Variants in AGFG2 observed in about 807,000 individuals in gnomAD.
AGFG2 encodes the protein ArfGAP with FG repeats 2.
Under a neutral mutation model 48.0 loss-of-function variants are expected in AGFG2, and 31 were observed. That is an observed-to-expected ratio of 0.65 (90% CI 0.49 to 0.87). The LOEUF is 0.87. Among genes scored for constraint, AGFG2 ranks in the 40% least tolerant of loss-of-function variants. The pLI, the probability that AGFG2 is intolerant of heterozygous loss-of-function variation, is 0.00. For synonymous variants in AGFG2, 229 were observed against 260.8 expected (o/e 0.88, Z 1.18); for missense variants, 599 against 632.6 (o/e 0.95, Z 0.57).
chr7:100,556,871 G>A (rs151052962), intron 6 of AGFG2, among the ~76,000 whole-genome samples: 95 of 152,202 alleles, frequency 6.2e-4, no homozygotes, highest in African/African-American at 2.2e-3. Context: ...TTATTTTATC[G>A]TTTTGGAGGG....
chr7:100,553,636 C>A lies in AGFG2; in HGVS notation c.585+136C>A. 4 of 1,061,812 alleles carry A rather than the reference C, an allele frequency of 3.8e-6. No individual in the cohort carries two copies. In the East Asian group the frequency reaches 1.1e-4, roughly 28 times the overall value. 65.8% of individuals were successfully genotyped at this position (1,061,812 alleles called of 1,614,324 possible). The stretch of plus-strand genomic sequence containing the variant: ...GTTGGGTCTCGGCTCTGCTGTTAAC[C>A]TGTATCTTGTATTTGTCACTTCTGG... On this transcript the variant is annotated intron_variant, in intron 4 of 11. Transcript: ENST00000300176.
chr7:100,557,412 C>G (rs964099618), intron 6 of AGFG2, among the ~76,000 whole-genome samples: 2 of 152,188 alleles, frequency 1.3e-5, no homozygotes, highest in Non-Finnish European at 2.9e-5. Context: ...TCCATAAATT[C>G]TAACAAAGAC....
rs1420468226 is a variant in AGFG2 at position 100,553,376 on chromosome 7, C to T, written c.461C>T (p.Pro154Leu). 1.2e-5 allele frequency: 19 copies of T among 1,614,060 alleles called. No individual in the cohort carries two copies. The highest frequency in any genetic ancestry group is 1.6e-5 in the Non-Finnish European group (19 of 1,180,034). The change falls in exon 4 of 12, where the codon CCC becomes CTC. Residue 154 changes from proline to leucine, a missense_variant. Physicochemically the swap from Pro to Leu is moderately conservative, Grantham distance 98. Transcript: ENST00000300176. ...GTCCCCCCAGACCAAGTCAAGGGGC[C>T]CACTTATACCAAAGGCAGTGCCTCC... is the stretch of plus-strand genomic sequence containing the variant. ...WYVPPDQVKG[P>L]TYTKGSASTP...
In AGFG2 at chr7:100,564,156, C is replaced by G. The variant is rs1028925570; in HGVS notation, c.1301-62C>G. ...ACTCCCCCAGTTTAGGAGGGCCCCC[C>G]TTGCTGTCCGCCTGCAGGAAGGCAG... is the stretch of plus-strand genomic sequence containing the variant. On this transcript the variant is annotated intron_variant, in intron 10 of 11. Coordinates refer to ENST00000300176, the MANE Select transcript of AGFG2 (RefSeq NM_006076.5). The G allele has an allele frequency of 1.1e-5, 17 of 1,570,542 alleles. No individual in the cohort carries two copies. The Admixed American group carries it at 2.0e-4, about 19-fold the overall frequency.
chr7:100,552,611 G>T (rs1800670084), intron 3 of AGFG2, among the ~76,000 whole-genome samples: 1 of 152,232 alleles, frequency 6.6e-6, no homozygotes, highest in African/African-American at 2.4e-5. Flanking sequence ...GTAGAGAAGA[G>T]AATGCAGAGA....
chr7:100,551,251 A>T (rs932967795), intron 3 of AGFG2, among the ~76,000 whole-genome samples: 115 of 150,428 alleles, frequency 7.6e-4, no homozygotes, highest in Non-Finnish European at 1.4e-3. Flanking sequence ...TTGTATTTTT[A>T]GTAGAGACGG....
intron 2 of AGFG2, 56 bp from the exon 3 acceptor site, chr7:100,550,340 A>AT (rs1251716241): frequency 5.0e-6 from 3 of 603,416 alleles, no homozygotes; most frequent in East Asian, 3.7e-5. Context: ...AGGAAGTGGT[A>AT]TTTTTTGTAT....
rs756340238 is a variant in AGFG2 at position 100,564,256 on chromosome 7, C to G, written c.1339C>G (p.Gln447Glu). Residue 447 changes from glutamine to glutamate, a missense_variant, in exon 11 of 12, where the codon CAG (glutamine) becomes GAG (glutamate). By Grantham distance (29) the Gln-to-Glu change is conservative (BLOSUM62 2). Transcript: ENST00000300176. ...FGDLGSAKLG[Q>E]RPLSQPAGIS... ...GGACTTAGGATCAGCCAAGTTGGGG[C>G]AGAGGCCACTGAGCCAGCCAGCTGG... The G allele has an allele frequency of 1.9e-6, 3 of 1,613,742 alleles. No homozygotes were observed. The highest frequency in any genetic ancestry group is 2.5e-6 in the Non-Finnish European group (3 of 1,179,886).
At chr7:100,561,781 CA>C (rs1302977973) in intron 6 of AGFG2, among the ~76,000 whole-genome samples, 2 of 152,210 alleles carry the variant, frequency 1.3e-5, no homozygotes, top group Non-Finnish European at 2.9e-5. Flanking sequence ...GGGGAAGGGA[CA>C]GTGCTGATAG....
chr7:100,558,468 T>C (rs1800799982), intron 6 of AGFG2, among the ~76,000 whole-genome samples: 3 of 152,010 alleles, frequency 2.0e-5, no homozygotes, highest in Admixed American at 1.3e-4. Flanking sequence ...AAAGTTGTTA[T>C]AGATGCGTCC....
At chr7:100,563,648 C>T (rs576131504) in intron 9 of AGFG2, among the ~76,000 whole-genome samples, 186 bp from the exon 10 acceptor site, 13 of 152,342 alleles carry the variant, frequency 8.5e-5, no homozygotes, top group Admixed American at 1.3e-4. Flanking sequence ...CACGTACCCC[C>T]GGGCAGGGAG....
At chr7:100,549,290 G>A (rs1800576520) in intron 2 of AGFG2, among the ~76,000 whole-genome samples, 1 of 152,162 alleles carries the variant, frequency 6.6e-6, no homozygotes, top group South Asian at 2.1e-4. Flanking sequence ...GGATTTAAGT[G>A]CATATCTTGT....
At chr7:100,560,770 G>A (rs2131121992) in intron 6 of AGFG2, among the ~76,000 whole-genome samples, 2 of 146,122 alleles carry the variant, frequency 1.4e-5, no homozygotes, top group South Asian at 4.4e-4. Context: ...CCGGGTCGCT[G>A]TTATTTATGC....
chr7:100,560,717 C>T (rs1800848478), intron 6 of AGFG2, among the ~76,000 whole-genome samples: 2 of 151,854 alleles, frequency 1.3e-5, no homozygotes, highest in African/African-American at 4.8e-5. Context: ...GCACTGGGCA[C>T]TTCGTCTTCC....
intron 5 of AGFG2, 60 bp downstream of exon 5, chr7:100,554,318 C>A: frequency 1.3e-6 from 2 of 1,532,112 alleles, no homozygotes; most frequent in Admixed American, 2.0e-5. Context: ...CATGAGAGAT[C>A]CAGTCCCTGG....
intron 1 of AGFG2, among the ~76,000 whole-genome samples, chr7:100,540,563 C>T (rs537392664): frequency 6.6e-5 from 10 of 152,266 alleles, no homozygotes; most frequent in Admixed American, 2.0e-4. Context: ...CTCTGCACTC[C>T]TCCTACTCCC....
intron 1 of AGFG2, among the ~76,000 whole-genome samples, chr7:100,548,565 G>A (rs1463072540): frequency 2.0e-5 from 3 of 152,020 alleles, no homozygotes; most frequent in Admixed American, 6.6e-5. Flanking sequence ...TGCCTGCCTC[G>A]GCCTTCTAAA....
intron 3 of AGFG2, among the ~76,000 whole-genome samples, chr7:100,551,406 C>T (rs1042530214): frequency 6.6e-6 from 1 of 150,458 alleles, no homozygotes; most frequent in African/African-American, 2.4e-5. Flanking sequence ...GGTTTCACCA[C>T]GTTGCCCAGG....
chr7:100,539,568 G>C lies in AGFG2; in HGVS notation c.221+1G>C. On this transcript the variant is annotated splice_donor_variant, in intron 1 of 11. Coordinates refer to ENST00000300176, the MANE Select transcript of AGFG2 (RefSeq NM_006076.5). LOFTEE classifies it high-confidence loss of function. ...TGTGCACCACCTGCTCCGGCCTCCTGTGAGTGACCGGGAGGGAGTGGCCGA... is the reference window on the plus strand; with the variant it reads ...TGTGCACCACCTGCTCCGGCCTCCTCTGAGTGACCGGGAGGGAGTGGCCGA... 5 of 1,244,566 alleles carry C rather than the reference G, an allele frequency of 4.0e-6. No individual in the cohort carries two copies. Among genetic ancestry groups the C allele is most frequent in the Non-Finnish European group, 5.1e-6 (5 of 986,526 alleles). The allele number at this position is 1,244,566 out of a possible 1,614,324, so 77.1% of individuals were successfully genotyped here. A position where few individuals can be genotyped will look rare whatever the true frequency, so the allele number is the denominator to read the frequency against.
Sources: gnomAD v4.1 joint callset for allele counts (sites outside exome capture counted in the v4.1 genomes callset) on GRCh38, gnomAD v4.1.1 for gene constraint, MANE v1.5 for transcripts, NCBI Gene and HGNC (gene_info 2026-07-23, HGNC 2026-07-21) for gene names.